Variants in CD59 observed in about 807,000 individuals in gnomAD.
CD59 encodes the protein CD59 molecule (CD59 blood group), also known as CD59 glycoprotein.
Under a neutral mutation model 7.0 loss-of-function variants are expected in CD59, and 3 were observed. The ratio of observed to expected loss-of-function variants is 0.43; its 90% CI spans 0.19 to 1.10. The LOEUF is 1.10. CD59 is among the 50% of genes least tolerant of loss of function. The pLI, the probability that CD59 is intolerant of heterozygous loss-of-function variation, is 0.29. For synonymous variants in CD59, 60 were observed against 62.0 expected, an observed-to-expected ratio of 0.97 and a Z score of 0.15; for missense variants, 143 against 151.0, an observed-to-expected ratio of 0.95 and a Z score of 0.28.
chr11:33,710,377 A>G (rs1188015860), intron 3 of CD59, 34 bp from the exon 4 acceptor site: 3 of 1,510,900 alleles, frequency 2.0e-6, no homozygotes, highest in Non-Finnish European at 2.8e-6. Flanking sequence ...TAAGAAAGTA[A>G]GTGGGAAGAG....
rs1853412037 is a variant in CD59, at chr11:33,708,611, A to C, written c.*1515T>G. 1 of 152,120 alleles carries C rather than the reference A, an allele frequency of 6.6e-6. No homozygotes were observed. The highest frequency in any genetic ancestry group is 1.5e-5 in the Non-Finnish European group (1 of 68,026). 9.4% of individuals were successfully genotyped at this position (152,120 alleles called of 1,614,324 possible). ...GTACTTCCTCAGGCCAAAAAAAAAA[A>C]AAAAAACCTATTGATGTAAGGAAAG... On this transcript the variant is annotated 3_prime_UTR_variant, in exon 4 of 4. Coordinates refer to ENST00000642928, the MANE Select transcript of CD59 (RefSeq NM_000611.6).
chr11:33,735,907 C>T (rs1157008209), intron 1 of CD59, among the ~76,000 whole-genome samples: 1 of 141,128 alleles, frequency 7.1e-6, no homozygotes, highest in Non-Finnish European at 1.6e-5. Context: ...CAGCGAAACT[C>T]CATCTCAAAA....
intron 3 of CD59, among the ~76,000 whole-genome samples, chr11:33,715,767 T>A (rs564147188): frequency 6.6e-6 from 1 of 152,206 alleles, no homozygotes; most frequent in Non-Finnish European, 1.5e-5. Flanking sequence ...TGGAAAAAGA[T>A]CTTGGCTTTG....
chr11:33,716,833 G>A (rs1039903534), intron 3 of CD59, among the ~76,000 whole-genome samples: 1 of 151,998 alleles, frequency 6.6e-6, no homozygotes, highest in African/African-American at 2.4e-5. Flanking sequence ...TACCTCCTAC[G>A]TGTCCTTTGA....
chr11:33,711,426 C>T (rs1422214665), intron 3 of CD59: 1 of 700,942 alleles, frequency 1.4e-6, no homozygotes, highest in East Asian at 2.7e-5. Flanking sequence ...ATGGCTCACA[C>T]CTGTAATCCC....
Position 33,709,860 on chromosome 11 carries a change from C to G in CD59, c.*266G>C. On this transcript the variant is annotated 3_prime_UTR_variant, in exon 4 of 4. Coordinates refer to ENST00000642928, the MANE Select transcript of CD59 (RefSeq NM_000611.6). ...GCTGTCACTGCAAAGCTGGTCTTCCCAAGAGCAAAGGAGGAAGCATGCAAT... is the reference window on the plus strand; with the variant it reads ...GCTGTCACTGCAAAGCTGGTCTTCCGAAGAGCAAAGGAGGAAGCATGCAAT... 1.8e-6 allele frequency: 1 copy of G among 564,378 alleles called. No individual in the cohort carries two copies. Among genetic ancestry groups the G allele is most frequent in the Non-Finnish European group, 3.2e-6 (1 of 315,766 alleles). The allele number at this position is 564,378 out of a possible 1,614,324, so 35.0% of individuals were successfully genotyped here.
rs905698218 is a variant in CD59, at chr11:33,709,600, A to G, written c.*526T>C. 1.2e-5 allele frequency: 2 copies of G among 173,880 alleles called. No homozygotes were observed. The highest frequency in any genetic ancestry group is 4.8e-5 in the African/African-American group (2 of 41,814). The allele number at this position is 173,880 out of a possible 1,614,324, so 10.8% of individuals were successfully genotyped here. ...AACACTTCCCCACTTCCCTGCCAGA[A>G]GTCCTCTAGCTCTGCATTAAGGATC... On this transcript the variant is annotated 3_prime_UTR_variant, in exon 4 of 4. Coordinates refer to ENST00000642928, the MANE Select transcript of CD59 (RefSeq NM_000611.6).
chr11:33,727,239 A>G (rs1303486021), intron 1 of CD59, among the ~76,000 whole-genome samples: 1 of 152,186 alleles, frequency 6.6e-6, no homozygotes, highest in African/African-American at 2.4e-5. Flanking sequence ...TTTTAGGCCA[A>G]TATCCCTGAT....
chr11:33,725,681 T>C (rs1187680564), intron 1 of CD59, among the ~76,000 whole-genome samples: 1 of 151,994 alleles, frequency 6.6e-6, no homozygotes. Flanking sequence ...GAATAAGAAA[T>C]AGTCAAGGGC....
At position 33,714,942 on chromosome 11, in the gene CD59, T is replaced by G. The variant is rs557279435; in HGVS notation, c.169+2428A>C. Reference sequence around the variant, plus strand: ...GGACCTGCCTGCTGAGGCTGTTTTTTTTTTTTTTTTTCTTTTGTAGAGACA... The same window carrying G: ...GGACCTGCCTGCTGAGGCTGTTTTTGTTTTTTTTTTTCTTTTGTAGAGACA... On this transcript the variant is annotated intron_variant, in intron 3 of 3. Coordinates refer to ENST00000642928, the MANE Select transcript of CD59 (RefSeq NM_000611.6). 5.6e-4 allele frequency among the ~76,000 whole-genome samples: 85 copies of G among 151,388 alleles called. No homozygotes were observed. In the East Asian group the frequency reaches 0.014, roughly 25 times the overall value.
intron 1 of CD59, among the ~76,000 whole-genome samples, chr11:33,729,801 C>A (rs1045643355): frequency 2.0e-5 from 3 of 151,980 alleles, no homozygotes; most frequent in Non-Finnish European, 4.4e-5. Context: ...TCTATTTCCA[C>A]TATTTTAAGT....
rs532323045 is a variant in CD59 at position 33,707,802 on chromosome 11, C to A, written c.*2324G>T. ...GCACCTCTACCTTAAGCTTACCCAG[C>A]GTGAGGCCAGGTTAGAAAGTCACAG... On this transcript the variant is annotated 3_prime_UTR_variant, in exon 4 of 4. Transcript: ENST00000642928. The A allele has an allele frequency of 1.3e-5, 2 of 152,190 alleles. No homozygotes were observed. The highest frequency in any genetic ancestry group is 2.9e-5 in the Non-Finnish European group (2 of 68,032). 9.4% of individuals were successfully genotyped at this position (152,190 alleles called of 1,614,324 possible).
chr11:33,731,493 A>G (rs41275170), intron 1 of CD59: 1 of 152,372 alleles, frequency 6.6e-6, no homozygotes, highest in Non-Finnish European at 1.5e-5. Flanking sequence ...AAAGAGGGTC[A>G]TAACAGTGGT....
intron 3 of CD59, among the ~76,000 whole-genome samples, chr11:33,712,754 C>A (rs1853615899): frequency 1.3e-5 from 2 of 152,326 alleles, no homozygotes; most frequent in South Asian, 4.1e-4. Context: ...GAATTATACA[C>A]TTTAAAATGT....
Position 33,709,952 on chromosome 11 carries a change from G to A in CD59, c.*174C>T, listed in dbSNP as rs979893418. The A allele has an allele frequency of 3.9e-5, 26 of 670,342 alleles. 1 individual carries two copies. Among genetic ancestry groups the A allele is most frequent in the Middle Eastern group, 7.9e-4 (2 of 2,532 alleles). The allele number at this position is 670,342 out of a possible 1,614,324, so 41.5% of individuals were successfully genotyped here. On this transcript the variant is annotated 3_prime_UTR_variant, in exon 4 of 4. Transcript: ENST00000642928. Reference sequence around the variant, plus strand: ...TCAAGTGGGGCTTCCCTGCAAACAGGACTGGTCTTCAAAGTCTCCCAGAGC... The same window carrying A: ...TCAAGTGGGGCTTCCCTGCAAACAGAACTGGTCTTCAAAGTCTCCCAGAGC...
Position 33,705,328 on chromosome 11 carries a change from G to A in CD59, c.*4798C>T, listed in dbSNP as rs929444963. 15 of 152,268 alleles carry A rather than the reference G, an allele frequency of 9.9e-5. No individual in the cohort carries two copies. Among genetic ancestry groups the A allele is most frequent in the African/African-American group, 3.6e-4 (15 of 41,468 alleles). 9.4% of individuals were successfully genotyped at this position (152,268 alleles called of 1,614,324 possible). A position where few individuals can be genotyped will look rare whatever the true frequency, so the allele number is the denominator to read the frequency against. The stretch of plus-strand genomic sequence containing the variant: ...ATTGGAGGGCTTTGAGACAGCTCAT[G>A]TAATGGAAAGCTCTTAAGAACTAGG... On this transcript the variant is annotated 3_prime_UTR_variant, in exon 4 of 4. Transcript: ENST00000642928.
In CD59 at chr11:33,709,834, A is replaced by C. The variant is rs1031283167; in HGVS notation, c.*292T>G. The C allele has an allele frequency of 7.7e-5, 41 of 531,648 alleles. No homozygotes were observed. Among genetic ancestry groups the C allele is most frequent in the Non-Finnish European group, 1.2e-4 (36 of 295,526 alleles). 32.9% of individuals were successfully genotyped at this position (531,648 alleles called of 1,614,324 possible). A position where few individuals can be genotyped will look rare whatever the true frequency, so the allele number is the denominator to read the frequency against. On this transcript the variant is annotated 3_prime_UTR_variant, in exon 4 of 4. Coordinates refer to ENST00000642928, the MANE Select transcript of CD59 (RefSeq NM_000611.6). ...CTGAGGGCTGCAGAGAACCCACTCA[A>C]GCTGTCACTGCAAAGCTGGTCTTCC...
rs1853405453 is a variant in CD59, at chr11:33,708,483, C to CTTCTG, written c.*1642_*1643insCAGAA. 7.3e-6 allele frequency: 1 copy of CTTCTG among 136,436 alleles called. No individual in the cohort carries two copies. The highest frequency in any genetic ancestry group is 1.5e-5 in the Non-Finnish European group (1 of 64,960). 8.5% of individuals were successfully genotyped at this position (136,436 alleles called of 1,614,324 possible). On this transcript the variant is annotated 3_prime_UTR_variant, in exon 4 of 4. Transcript: ENST00000642928. ...ACCCCCCCGCCCCCAAAAAAGTTCC[C>CTTCTG]AGAAATTCATTTTCTGCTTAAATTC... is the stretch of plus-strand genomic sequence containing the variant.
rs1853305461 is a variant in CD59 at position 33,706,313 on chromosome 11, T to C, written c.*3813A>G. On this transcript the variant is annotated 3_prime_UTR_variant, in exon 4 of 4. Transcript: ENST00000642928. ...GATTATCCATTACAAAAATTTTATA[T>C]TGAATAACCTGTAAGTAATTTGAAA... 6.6e-6 allele frequency: 1 copy of C among 152,144 alleles called. No individual in the cohort carries two copies. The highest frequency in any genetic ancestry group is 2.4e-5 in the African/African-American group (1 of 41,424). The allele number at this position is 152,144 out of a possible 1,614,324, so 9.4% of individuals were successfully genotyped here.
Sources: gnomAD v4.1 joint callset for allele counts (sites outside exome capture counted in the v4.1 genomes callset) on GRCh38, gnomAD v4.1.1 for gene constraint, MANE v1.5 for transcripts, NCBI Gene and HGNC (gene_info 2026-07-23, HGNC 2026-07-21) for gene names.